ZNG1A: variants seen among roughly 807,000 people sequenced by gnomAD.
ZNG1A encodes the protein zinc-regulated GTPase metalloprotein activator 1A.
chr9:134,954 T>C, the ZNG1A span: 3 of 1,299,170 alleles, frequency 2.3e-6, no homozygotes, highest in East Asian at 2.3e-5. Flanking sequence ...ATTAGGAATT[T>C]TGGATTTAGA....
chr9:153,708 A>C, the ZNG1A span: 1 of 151,356 alleles, frequency 6.6e-6, no homozygotes, highest in Non-Finnish European at 1.5e-5. Context: ...AAAAAATATG[A>C]ATTTCTTTCT....
chr9:150,116 GTTTTGTTTTTTTTTT>G, the ZNG1A span: 4 of 101,420 alleles, frequency 3.9e-5, no homozygotes, highest in East Asian at 3.0e-4. Context: ...CAAATCTCCG[GTTTTGTTTTTTTTTT>G]TTTTTTTTTT....
the ZNG1A span, among the ~76,000 whole-genome samples, chr9:124,252 C>A: frequency 0.097 from 14,410 of 148,580 alleles, 280 homozygotes; most frequent in Admixed American, 0.17. Context: ...CCAATATAAC[C>A]CCAAATTTCA....
chr9:139,698 C>G, the ZNG1A span, among the ~76,000 whole-genome samples: 1 of 151,698 alleles, frequency 6.6e-6, no homozygotes, highest in African/African-American at 2.4e-5. Flanking sequence ...TCTACAGCTC[C>G]CAGCGTGAGA....
chr9:168,171 G>A, the ZNG1A span, among the ~76,000 whole-genome samples: 4 of 122,620 alleles, frequency 3.3e-5, no homozygotes, highest in Admixed American at 1.7e-4. Context: ...TGCTGATATA[G>A]AAGCTGTAGT....
chr9:167,012 A>C, the ZNG1A span: 1 of 152,132 alleles, frequency 6.6e-6, no homozygotes, highest in African/African-American at 2.4e-5. Context: ...AATTTAGGGA[A>C]AAATGATTAT....
At chr9:138,803 C>T in the ZNG1A span, among the ~76,000 whole-genome samples, 5 of 149,070 alleles carry the variant, frequency 3.4e-5, no homozygotes, top group African/African-American at 1.3e-4. Context: ...TCTTGGGAGG[C>T]TGAGATGGGA....
At chr9:139,820 C>T in the ZNG1A span, among the ~76,000 whole-genome samples, 6,829 of 151,454 alleles carry the variant, frequency 0.045, 177 homozygotes, top group African/African-American at 0.069. Context: ...ATCCGCGAGC[C>T]GAAGCAGGGC....
chr9:170,355 A>ATGTGTGTGTGTG, the ZNG1A span, among the ~76,000 whole-genome samples: 2 of 145,194 alleles, frequency 1.4e-5, no homozygotes, highest in African/African-American at 5.2e-5. Context: ...GTGTGTATGA[A>ATGTGTGTGTGTG]TGTGTGTGTG....
At chr9:176,993 T>C in the ZNG1A span, among the ~76,000 whole-genome samples, 10 of 152,118 alleles carry the variant, frequency 6.6e-5, no homozygotes, top group Admixed American at 2.0e-4. Flanking sequence ...TGGAGGGGAA[T>C]TCAGTGAATA....
the ZNG1A span, among the ~76,000 whole-genome samples, chr9:139,830 C>T: frequency 0.045 from 6,846 of 151,548 alleles, 182 homozygotes; most frequent in African/African-American, 0.069. Flanking sequence ...CGAAGCAGGG[C>T]GAGGCATTGC....
At chr9:142,052 G>C in the ZNG1A span, among the ~76,000 whole-genome samples, 1 of 143,314 alleles carries the variant, frequency 7.0e-6, no homozygotes, top group Non-Finnish European at 1.5e-5. Flanking sequence ...CAAGTCCTGA[G>C]TGACCTACAA....
chr9:163,817 T>A, the ZNG1A span, among the ~76,000 whole-genome samples: 1 of 151,022 alleles, frequency 6.6e-6, no homozygotes, highest in South Asian at 2.1e-4. Context: ...CTCGGGAGGC[T>A]GAGGCAAGAG....
the ZNG1A span, chr9:153,800 C>T: frequency 4.7e-5 from 7 of 149,258 alleles, no homozygotes; most frequent in Non-Finnish European, 4.5e-5. Context: ...ACTATATGAA[C>T]TGAGATGACA....
chr9:130,436 T>A, the ZNG1A span, among the ~76,000 whole-genome samples: 1 of 130,696 alleles, frequency 7.7e-6, no homozygotes, highest in Non-Finnish European at 1.6e-5. Context: ...GATTTTAACT[T>A]AATAAATTTT....
the ZNG1A span, among the ~76,000 whole-genome samples, chr9:178,460 G>A: frequency 1.8e-5 from 2 of 112,236 alleles, no homozygotes; most frequent in African/African-American, 5.3e-5. Flanking sequence ...CTGTTTCACA[G>A]GTGACAGGTA....
At chr9:156,605 G>C in the ZNG1A span, 6 of 1,396,188 alleles carry the variant, frequency 4.3e-6, no homozygotes, top group South Asian at 3.6e-5. Context: ...TTTTACTTTA[G>C]AGACATTTTC....
At chr9:153,033 G>A in the ZNG1A span, 1 of 135,800 alleles carries the variant, frequency 7.4e-6, no homozygotes, top group Non-Finnish European at 1.6e-5. Flanking sequence ...AAGCCAAAAG[G>A]GTGTGTAATT....
chr9:177,631 T>A, the ZNG1A span: 11 of 1,497,228 alleles, frequency 7.3e-6, no homozygotes, highest in East Asian at 2.5e-5. Flanking sequence ...GGGATAGGAG[T>A]GAAACTATCC....
Sources: gnomAD v4.1 joint callset for allele counts (sites outside exome capture counted in the v4.1 genomes callset) on GRCh38, gnomAD v4.1.1 for gene constraint, MANE v1.5 for transcripts, NCBI Gene and HGNC (gene_info 2026-07-23, HGNC 2026-07-21) for gene names.